PHLDB3: variants seen among roughly 807,000 people sequenced by gnomAD.
PHLDB3 encodes the protein pleckstrin homology-like domain family B member 3.
In PHLDB3, 86 loss-of-function variants were observed where a neutral mutation model predicts 85.7. That is an observed-to-expected ratio of 1.00 (90% CI 0.84 to 1.20). The LOEUF is 1.20. Among genes scored for constraint, PHLDB3 ranks in the 50% most tolerant of loss-of-function variants. PHLDB3 has a pLI of 0.00. For missense variants in PHLDB3, 995 were observed against 873.0 expected (o/e 1.14, Z -1.76); for synonymous variants, 376 against 349.8 (o/e 1.07, Z -0.83).
chr19:43,502,385 C>T, intron 2 of PHLDB3, 102 bp from the exon 3 acceptor site: 2 of 1,115,470 alleles, frequency 1.8e-6, no homozygotes, highest in Non-Finnish European at 2.5e-6. Flanking sequence ...GGTCTCAGTC[C>T]ATCAGTCCAC....
intron 4 of PHLDB3, among the ~76,000 whole-genome samples, chr19:43,501,040 T>G (rs1350266845): frequency 6.6e-6 from 1 of 151,928 alleles, no homozygotes; most frequent in Non-Finnish European, 1.5e-5. Flanking sequence ...GATTGGCTTT[T>G]AAAACTGGGG....
rs747381294 is a variant in PHLDB3 at position 43,497,091 on chromosome 19, G to A, written c.825+27C>T. 4.2e-6 allele frequency: 6 copies of A among 1,427,536 alleles called. No homozygotes were observed. The Admixed American group carries it at 1.5e-4, about 37-fold the overall frequency. The allele number at this position is 1,427,536 out of a possible 1,614,324, so 88.4% of individuals were successfully genotyped here. ...GGGAGACAGAGAGGAGCAGCAAGGG[G>A]GGCAGCGCTGGTCAGGCATGACTCA... is the stretch of plus-strand genomic sequence containing the variant. On this transcript the variant is annotated intron_variant, in intron 6 of 15. Transcript: ENST00000292140.
chr19:43,479,554 A>G lies in PHLDB3; in HGVS notation c.1525T>C (p.Leu509=). ...CCCTCCAGATGCTGCCGGAGATCCAAGATTCGCGGGCCTGGAGGGTGGGGT... is the reference window on the plus strand; with the variant it reads ...CCCTCCAGATGCTGCCGGAGATCCAGGATTCGCGGGCCTGGAGGGTGGGGT... ...TPPHPPGPRI[L]DLRQHLEGWG... The change falls in exon 14 of 16, where the codon TTG becomes CTG. Residue 509 remains leucine, a synonymous_variant. Transcript: ENST00000292140. 1.0e-6 allele frequency: 1 copy of G among 961,456 alleles called. No individual in the cohort carries two copies. Among genetic ancestry groups the G allele is most frequent in the Non-Finnish European group, 1.5e-6 (1 of 683,258 alleles). The allele number at this position is 961,456 out of a possible 1,614,324, so 59.6% of individuals were successfully genotyped here.
chr19:43,483,284 T>G (rs1971085371), intron 13 of PHLDB3, among the ~76,000 whole-genome samples: 1 of 151,822 alleles, frequency 6.6e-6, no homozygotes, highest in Admixed American at 6.6e-5. Flanking sequence ...TATCATTCTT[T>G]TTTTTTTTTG....
chr19:43,498,612 A>G (rs951497352), intron 4 of PHLDB3, among the ~76,000 whole-genome samples: 1 of 152,160 alleles, frequency 6.6e-6, no homozygotes, highest in African/African-American at 2.4e-5. Flanking sequence ...TCCAAGTGGG[A>G]ACACAGCCAG....
At chr19:43,481,395 G>A (rs984478992) in intron 13 of PHLDB3, among the ~76,000 whole-genome samples, 7 of 152,196 alleles carry the variant, frequency 4.6e-5, no homozygotes, top group Admixed American at 6.5e-5. Flanking sequence ...AAGGTGGGGG[G>A]ATCACCTGAG....
chr19:43,490,645 G>A (rs1023152322), intron 9 of PHLDB3, among the ~76,000 whole-genome samples: 2 of 152,166 alleles, frequency 1.3e-5, no homozygotes, highest in South Asian at 2.1e-4. Flanking sequence ...TCAAATCCCC[G>A]TGCTTTACTT....
chr19:43,491,840 T>G (rs1971320425), intron 9 of PHLDB3, among the ~76,000 whole-genome samples: 1 of 151,790 alleles, frequency 6.6e-6, no homozygotes, highest in African/African-American at 2.4e-5. Flanking sequence ...AGAGACAGGG[T>G]TTCACCATGT....
chr19:43,500,909 A>ACCTCCCCCCCCCCCCCCCCCCC (rs1971573935), intron 4 of PHLDB3, among the ~76,000 whole-genome samples: 1 of 17,152 alleles, frequency 5.8e-5, no homozygotes, highest in Admixed American at 6.1e-4. Flanking sequence ...CGCCCCCCGT[A>ACCTCCCCCCCCCCCCCCCCCCC]CCCCCCCCCC....
At chr19:43,483,654 G>A (rs928293680) in intron 13 of PHLDB3, among the ~76,000 whole-genome samples, 2 of 152,100 alleles carry the variant, frequency 1.3e-5, no homozygotes, top group Non-Finnish European at 2.9e-5. Flanking sequence ...TTATGTAAGG[G>A]AGTTGTCAGC....
chr19:43,504,474 A>T (rs1971706516), intron 1 of PHLDB3, 115 bp downstream of exon 1: 1 of 325,680 alleles, frequency 3.1e-6, no homozygotes. Context: ...GCTTAGAGCG[A>T]CCCATCTTCT....
intron 13 of PHLDB3, among the ~76,000 whole-genome samples, chr19:43,481,253 G>A (rs1971039729): frequency 6.6e-6 from 1 of 152,112 alleles, no homozygotes; most frequent in Admixed American, 6.6e-5. Flanking sequence ...AGGCCAAGAG[G>A]GGAGGATCAC....
intron 4 of PHLDB3, among the ~76,000 whole-genome samples, chr19:43,501,146 T>C (rs529321106): frequency 1.0e-4 from 15 of 150,208 alleles, no homozygotes; most frequent in Non-Finnish European, 1.9e-4. Flanking sequence ...CTGACTATTG[T>C]GGGGTGGGTT....
Position 43,502,243 on chromosome 19 carries a change from G to T in PHLDB3, c.254C>A (p.Pro85His). 1 of 1,564,372 alleles carries T rather than the reference G, an allele frequency of 6.4e-7. No homozygotes were observed. The highest frequency in any genetic ancestry group is 2.4e-5 in the East Asian group (1 of 42,086). ...TPPIAMAATP[P>H]ASTSSREGVR... is the part of the protein sequence containing the mutation. ...CCCTTCCCGCGAAGAGGTGGATGCG[G>T]GAGGTGTGGCCGCCATAGCTATCGG... Residue 85 changes from proline to histidine, a missense_variant, in exon 3 of 16, where the codon CCC (proline) becomes CAC (histidine). Transcript: ENST00000292140.
intron 6 of PHLDB3, 32 bp from the exon 7 acceptor site, chr19:43,495,652 GCCAGCTCT>G: frequency 6.3e-7 from 1 of 1,590,018 alleles, no homozygotes; most frequent in Non-Finnish European, 8.6e-7. Flanking sequence ...CACGGCCCCA[GCCAGCTCT>G]CCAGGCCACC....
intron 13 of PHLDB3, among the ~76,000 whole-genome samples, chr19:43,482,403 G>A (rs1272558468): frequency 6.6e-6 from 1 of 152,192 alleles, no homozygotes; most frequent in Non-Finnish European, 1.5e-5. Context: ...GTGAAGCCCA[G>A]GGACACACTT....
rs1245769119 is a variant in PHLDB3, at chr19:43,479,380, C to T, written c.1699G>A (p.Ala567Thr). 1 of 1,560,944 alleles carries T rather than the reference C, an allele frequency of 6.4e-7. No homozygotes were observed. The highest frequency in any genetic ancestry group is 8.7e-7 in the Non-Finnish European group (1 of 1,153,006). ...DRQARRLAYYADKEETKLKGV... is the reference protein window; with the variant it reads ...DRQARRLAYYTDKEETKLKGV... ...ATGGTGGCCAGGCTGGGCTTACCCG[C>T]ATAGTAGGCCAAGCGGCGGGCTTGG... The change falls in exon 14 of 16, where the codon GCG (alanine) becomes ACG (threonine). Residue 567 changes from alanine to threonine, a missense_variant. Transcript: ENST00000292140.
At position 43,486,766 on chromosome 19, in the gene PHLDB3, C is replaced by T. The variant is rs763182686; in HGVS notation, c.1340+14G>A. ...CTCTTCTTCCATCTCCCCACCTTCT[C>T]TCTGATGTCTCACCTATTCCCACGG... On this transcript the variant is annotated intron_variant, in intron 11 of 15. Transcript: ENST00000292140. 6.2e-7 allele frequency: 1 copy of T among 1,608,380 alleles called. No homozygotes were observed. Among genetic ancestry groups the T allele is most frequent in the South Asian group, 1.1e-5 (1 of 90,294 alleles).
intron 9 of PHLDB3, 90 bp downstream of exon 9, chr19:43,494,612 G>A (rs751702036): frequency 9.4e-6 from 10 of 1,067,278 alleles, no homozygotes; most frequent in Non-Finnish European, 1.4e-5. Flanking sequence ...GGAAGTTCTG[G>A]AGACCCCAGT....
Sources: allele counts gnomAD v4.1 joint callset (sites outside exome capture counted in the v4.1 genomes callset), GRCh38; gene constraint gnomAD v4.1.1; transcripts MANE v1.5; gene names NCBI Gene and HGNC (gene_info 2026-07-23, HGNC 2026-07-21).